CA5A: variants seen among roughly 807,000 people sequenced by gnomAD.
The protein encoded by CA5A is carbonic anhydrase 5A, also known as carbonic anhydrase 5A, mitochondrial.
In CA5A, 28 loss-of-function variants were observed where a neutral mutation model predicts 37.1. The observed-to-expected ratio is 0.75, with a 90% CI of 0.56 to 1.03. The LOEUF (loss-of-function observed/expected upper bound fraction) is 1.03, where lower values mean the gene tolerates loss of function less well. Among genes scored for constraint, CA5A ranks in the 50% least tolerant of loss-of-function variants. CA5A has a pLI of 0.00. For missense variants in CA5A, 444 were observed against 399.9 expected (o/e 1.11, Z -0.94); for synonymous variants, 171 against 158.4 (o/e 1.08, Z -0.60).
chr16:87,912,970 G>A (rs551863811), intron 2 of CA5A, among the ~76,000 whole-genome samples: 3 of 151,518 alleles, frequency 2.0e-5, no homozygotes, highest in African/African-American at 4.8e-5. Context: ...TGGGGCCTTC[G>A]CCAACAAACC....
rs529465648 is a variant in CA5A at position 87,888,101 on chromosome 16, T to C, written c.*28A>G. 123 of 1,561,802 alleles carry C rather than the reference T, an allele frequency of 7.9e-5. No homozygotes were observed. In the East Asian group the frequency reaches 2.7e-3, roughly 35 times the overall value. ...CAACGCTTCCTTCCTTCAAAGTCAG[T>C]TCTGCTATTCATGTGGACCTAATGT... On this transcript the variant is annotated 3_prime_UTR_variant, in exon 7 of 7. Coordinates refer to ENST00000649794, the MANE Select transcript of CA5A (RefSeq NM_001739.2).
chr16:87,917,849 A>G (rs996071289), intron 2 of CA5A, among the ~76,000 whole-genome samples: 5 of 151,380 alleles, frequency 3.3e-5, no homozygotes, highest in African/African-American at 1.2e-4. Context: ...ACGTGCACAC[A>G]CATGTAGTCG....
chr16:87,925,949 G>T (rs117165228), intron 2 of CA5A, among the ~76,000 whole-genome samples: 2 of 152,216 alleles, frequency 1.3e-5, no homozygotes, highest in African/African-American at 4.8e-5. Flanking sequence ...AGGGCCGGGC[G>T]CGGTGGCTCA....
chr16:87,917,117 AAAAAG>A (rs1750332619), intron 2 of CA5A, among the ~76,000 whole-genome samples: 1 of 81,896 alleles, frequency 1.2e-5, no homozygotes, highest in Non-Finnish European at 2.4e-5. Flanking sequence ...AAAAAAAAAA[AAAAAG>A]AAAAGAAAAG....
chr16:87,914,499 C>A (rs1405227846), intron 2 of CA5A, among the ~76,000 whole-genome samples: 6 of 152,200 alleles, frequency 3.9e-5, no homozygotes, highest in Non-Finnish European at 7.3e-5. Context: ...CCCCGTCTGT[C>A]TCCAAGGCTG....
At chr16:87,934,217 C>A (rs2056442479) in intron 1 of CA5A, among the ~76,000 whole-genome samples, 1 of 152,252 alleles carries the variant, frequency 6.6e-6, no homozygotes, top group South Asian at 2.1e-4. Flanking sequence ...GCCGTAAGCA[C>A]CATTATCAAC....
At chr16:87,929,680 G>A (rs529203717) in intron 1 of CA5A, among the ~76,000 whole-genome samples, 93 of 151,466 alleles carry the variant, frequency 6.1e-4, no homozygotes, top group Non-Finnish European at 1.0e-3. Flanking sequence ...AGACCATCCT[G>A]GCTAACACCG....
chr16:87,923,093 C>A (rs576224462), intron 2 of CA5A, among the ~76,000 whole-genome samples: 1 of 152,226 alleles, frequency 6.6e-6, no homozygotes, highest in African/African-American at 2.4e-5. Context: ...GGCAGTCGCC[C>A]CTTCTCTGAG....
At chr16:87,889,868 G>A (rs1199690950) in intron 6 of CA5A, among the ~76,000 whole-genome samples, 3 of 152,216 alleles carry the variant, frequency 2.0e-5, no homozygotes, top group East Asian at 3.8e-4. Context: ...GGCAACTCAC[G>A]CATTTGATTA....
intron 5 of CA5A, chr16:87,892,365 C>G (rs1293110420): frequency 6.5e-6 from 1 of 152,800 alleles, no homozygotes; most frequent in African/African-American, 2.4e-5. Flanking sequence ...CAAAAATTAT[C>G]CAGATGTGGT....
intron 4 of CA5A, 84 bp downstream of exon 4, chr16:87,902,341 G>C (rs1286929320): frequency 1.3e-6 from 1 of 790,112 alleles, no homozygotes; most frequent in Admixed American, 2.1e-5. Context: ...GTGACACAGC[G>C]AGTCCTGTCT....
chr16:87,893,312 A>G, intron 5 of CA5A: 2 of 352,804 alleles, frequency 5.7e-6, no homozygotes, highest in Non-Finnish European at 1.1e-5. Flanking sequence ...TATTTTTAGT[A>G]GAGACGGGGT....
At chr16:87,913,381 C>T (rs1052695443) in intron 2 of CA5A, among the ~76,000 whole-genome samples, 8 of 149,890 alleles carry the variant, frequency 5.3e-5, no homozygotes, top group Middle Eastern at 3.4e-3. Context: ...TGCCTCACTG[C>T]AGCCTCAACC....
At chr16:87,910,453 C>T (rs2056034437) in intron 2 of CA5A, among the ~76,000 whole-genome samples, 1 of 152,228 alleles carries the variant, frequency 6.6e-6, no homozygotes, top group Non-Finnish European at 1.5e-5. Context: ...CCGGCAACCT[C>T]ACCCAGGTCT....
chr16:87,899,544 A>C (rs1402556242), intron 5 of CA5A, among the ~76,000 whole-genome samples: 1 of 150,630 alleles, frequency 6.6e-6, no homozygotes, highest in Non-Finnish European at 1.5e-5. Flanking sequence ...CTCAAGTGAT[A>C]AGCCCGCCTT....
At chr16:87,885,948 G>C (rs950101206), downstream of CA5A, 2 of 152,044 alleles carry the variant, frequency 1.3e-5, no homozygotes, top group Non-Finnish European at 2.9e-5. Flanking sequence ...AACAGTCTAG[G>C]CTCCGTCCCC....
chr16:87,901,537 C>A (rs944711127), intron 5 of CA5A, among the ~76,000 whole-genome samples: 2 of 152,102 alleles, frequency 1.3e-5, no homozygotes, highest in African/African-American at 4.8e-5. Flanking sequence ...GCAAATGAAT[C>A]GCTGCACTAA....
Position 87,902,446 on chromosome 16 carries a change from A to T in CA5A, c.534T>A (p.Ala178=). The change falls in exon 4 of 7, where the codon GCT becomes GCA. Residue 178 remains alanine (A), a synonymous_variant. Transcript: ENST00000649794. ...TTACCTTTAAAAACACGCCTATCAC[A>T]GCCAAACCATTCTCTCCCACGACAG... The part of the protein sequence containing the change: ...KEAVVGENGL[A]VIGVFLKLGA... 1 of 1,612,146 alleles carries T rather than the reference A, an allele frequency of 6.2e-7. No individual in the cohort carries two copies. The highest frequency in any genetic ancestry group is 1.7e-4 in the Middle Eastern group (1 of 6,054).
chr16:87,904,739 G>A (rs2055932851), intron 3 of CA5A, 47 bp downstream of exon 3: 2 of 1,156,514 alleles, frequency 1.7e-6, no homozygotes, highest in Non-Finnish European at 2.6e-6. Context: ...TAGAGCCGGA[G>A]ACATGGAAAG....
Sources: gnomAD v4.1 joint callset for allele counts (sites outside exome capture counted in the v4.1 genomes callset) on GRCh38, gnomAD v4.1.1 for gene constraint, MANE v1.5 for transcripts, NCBI Gene and HGNC (gene_info 2026-07-23, HGNC 2026-07-21) for gene names.